The following RBFOX2 variants were observed in gnomAD, a reference collection of about 807,000 sequenced individuals.
RBFOX2 encodes RNA binding protein fox-1 homolog 2.
Under a neutral mutation model 49.1 loss-of-function variants are expected in RBFOX2, and 10 were observed. That is an observed-to-expected ratio of 0.20 (90% CI 0.13 to 0.35). The LOEUF (loss-of-function observed/expected upper bound fraction) is 0.35, where lower values mean the gene tolerates loss of function less well. Ranked by LOEUF, RBFOX2 falls within the 10% of genes least tolerant of loss-of-function variation. The pLI is 1.00. For missense variants in RBFOX2, 323 were observed against 486.9 expected, an observed-to-expected ratio of 0.66 and a Z score of 3.17; for synonymous variants, 183 against 187.4, an observed-to-expected ratio of 0.98 and a Z score of 0.19.
At chr22:35,898,164 C>G (rs1247177595) in intron 1 of RBFOX2, 1 of 746,214 alleles carries the variant, frequency 1.3e-6, no homozygotes, top group African/African-American at 1.7e-5. Flanking sequence ...AGGGTATGAT[C>G]ACCTGTGACC....
At chr22:35,931,510 T>C (rs906971383) in intron 1 of RBFOX2, among the ~76,000 whole-genome samples, 1 of 151,950 alleles carries the variant, frequency 6.6e-6, no homozygotes, top group Non-Finnish European at 1.5e-5. Flanking sequence ...CATGGAAGCT[T>C]ACGGCTGTAA....
intron 1 of RBFOX2, among the ~76,000 whole-genome samples, chr22:35,912,315 C>A (rs1053089503): frequency 6.6e-6 from 1 of 152,230 alleles, no homozygotes; most frequent in Non-Finnish European, 1.5e-5. Context: ...ACCAACCCAT[C>A]TTTCATTAGA....
chr22:35,870,501 A>G (rs1232381567), intron 1 of RBFOX2, among the ~76,000 whole-genome samples: 1 of 152,212 alleles, frequency 6.6e-6, no homozygotes, highest in African/African-American at 2.4e-5. Context: ...AAACAAATAA[A>G]TAAAAAGTCA....
At chr22:35,969,671 T>A (rs2056762956) in intron 1 of RBFOX2, among the ~76,000 whole-genome samples, 1 of 152,170 alleles carries the variant, frequency 6.6e-6, no homozygotes, top group Admixed American at 6.5e-5. Context: ...TCTTTATATA[T>A]CAGAGGCAGG....
intron 1 of RBFOX2, among the ~76,000 whole-genome samples, chr22:35,926,074 A>ATATT (rs1323990372): frequency 2.0e-5 from 3 of 152,356 alleles, no homozygotes; most frequent in Admixed American, 1.3e-4. Context: ...ACCCGTAACT[A>ATATT]TATTGTCCAC....
intron 4 of RBFOX2, among the ~76,000 whole-genome samples, chr22:35,769,568 A>G (rs1942068731): frequency 6.6e-6 from 1 of 152,160 alleles, no homozygotes; most frequent in Non-Finnish European, 1.5e-5. Context: ...TGCTGCTTAT[A>G]TCTGCAAAGT....
chr22:35,808,336 C>A (rs1951154278), intron 2 of RBFOX2, among the ~76,000 whole-genome samples: 1 of 151,910 alleles, frequency 6.6e-6, no homozygotes, highest in African/African-American at 2.4e-5. Context: ...TGTGCTTATA[C>A]ATAACTAATA....
chr22:35,769,505 T>A (rs914908079), intron 4 of RBFOX2, among the ~76,000 whole-genome samples: 17 of 152,152 alleles, frequency 1.1e-4, no homozygotes, highest in African/African-American at 4.1e-4. Context: ...TCATTCTAGG[T>A]GCTCTGTCCT....
chr22:36,007,913 T>C (rs2058678858), intron 1 of RBFOX2, among the ~76,000 whole-genome samples: 2 of 152,222 alleles, frequency 1.3e-5, no homozygotes, highest in African/African-American at 4.8e-5. Context: ...GAATGTACCT[T>C]ATTTTATTTA....
intron 9 of RBFOX2, 33 bp from the exon 11 acceptor site, chr22:35,756,177 A>C: frequency 6.7e-7 from 1 of 1,487,746 alleles, no homozygotes; most frequent in Non-Finnish European, 9.0e-7. Context: ...CAAAAACAAA[A>C]AAAACAAAAG....
intron 1 of RBFOX2, among the ~76,000 whole-genome samples, chr22:35,975,731 T>A (rs1450688558): frequency 1.3e-5 from 2 of 152,172 alleles, no homozygotes; most frequent in Non-Finnish European, 1.5e-5. Context: ...AAAATCAAAT[T>A]TTCATGTTGT....
intron 1 of RBFOX2, among the ~76,000 whole-genome samples, chr22:35,821,113 CTAAT>C (rs1366841534): frequency 1.3e-5 from 2 of 152,132 alleles, no homozygotes; most frequent in African/African-American, 4.8e-5. Context: ...CTGATATAAA[CTAAT>C]TAGATTCTAT....
intron 1 of RBFOX2, chr22:35,897,142 G>A (rs1473661566): frequency 5.7e-6 from 3 of 525,324 alleles, no homozygotes; most frequent in Non-Finnish European, 1.0e-5. Flanking sequence ...AACCTCAAAT[G>A]TTTTAATGGT....
intron 2 of RBFOX2, among the ~76,000 whole-genome samples, chr22:35,790,632 T>C (rs1947407361): frequency 6.6e-6 from 1 of 152,214 alleles, no homozygotes; most frequent in Non-Finnish European, 1.5e-5. Context: ...ACTATAGCTA[T>C]GTAAGATGCT....
At chr22:35,909,828 G>A (rs1415936141) in intron 1 of RBFOX2, among the ~76,000 whole-genome samples, 1 of 152,142 alleles carries the variant, frequency 6.6e-6, no homozygotes, top group Non-Finnish European at 1.5e-5. Context: ...GGCCAGGTTG[G>A]TCTCCAACTC....
intron 2 of RBFOX2, among the ~76,000 whole-genome samples, chr22:35,790,605 C>T (rs1274018468): frequency 6.6e-6 from 1 of 152,122 alleles, no homozygotes; most frequent in Non-Finnish European, 1.5e-5. Context: ...TTCTTATTGC[C>T]TAGTTTCAAA....
intron 1 of RBFOX2, among the ~76,000 whole-genome samples, chr22:36,001,360 C>T (rs915831397): frequency 6.6e-6 from 1 of 151,944 alleles, no homozygotes; most frequent in African/African-American, 2.4e-5. Flanking sequence ...TAAAAAGTTC[C>T]TACATATCAA....
At chr22:35,991,276 T>A (rs1298495037) in intron 1 of RBFOX2, among the ~76,000 whole-genome samples, 1 of 151,988 alleles carries the variant, frequency 6.6e-6, no homozygotes, top group Non-Finnish European at 1.5e-5. Flanking sequence ...AATGGGACAG[T>A]CTATGAGGAG....
intron 1 of RBFOX2, among the ~76,000 whole-genome samples, chr22:35,899,566 C>CAAAA (rs398061920): frequency 8.9e-5 from 8 of 90,076 alleles, no homozygotes; most frequent in East Asian, 3.5e-4. Context: ...TAAAACAAAA[C>CAAAA]AAAAAAAAAA....
Sources: allele counts gnomAD v4.1 joint callset (sites outside exome capture counted in the v4.1 genomes callset), GRCh38; gene constraint gnomAD v4.1.1; transcripts MANE v1.5; gene names NCBI Gene and HGNC (gene_info 2026-07-23, HGNC 2026-07-21).